The following THBS1 variants were observed in gnomAD, a reference collection of about 807,000 sequenced individuals.
THBS1 encodes thrombospondin 1, also known as thrombospondin-1.
THBS1 carries 29 observed loss-of-function variants against 126.1 expected under a neutral mutation model. That is an observed-to-expected ratio of 0.23 (90% CI 0.17 to 0.31). The LOEUF is 0.31. Among genes scored for constraint, THBS1 ranks in the 10% least tolerant of loss-of-function variants. The probability of loss-of-function intolerance (pLI) is 1.00; values close to 1 mark genes in which losing one functional copy is unlikely to be tolerated. For synonymous variants in THBS1, 496 were observed against 577.8 expected (o/e 0.86, Z 2.03); for missense variants, 1,198 against 1,545.2 (o/e 0.78, Z 3.77).
At chr15:39,590,143 A>T in intron 13 of THBS1, 120 bp downstream of exon 13, 10 of 945,226 alleles carry the variant, frequency 1.1e-5, no homozygotes, top group African/African-American at 1.7e-5. Context: ...AATCTCCCAA[A>T]GGGAGAGGGG....
intron 16 of THBS1, among the ~76,000 whole-genome samples, chr15:39,591,974 T>C (rs937006312): frequency 4.6e-5 from 7 of 152,222 alleles, no homozygotes; most frequent in African/African-American, 1.7e-4. Context: ...TACTAAGAGA[T>C]GGAAAAATAA....
chr15:39,592,893 G>A lies in THBS1; in HGVS notation c.2767+91G>A. Reference sequence around the variant, plus strand: ...AAACCAAGGCTCAAAGCATTTGACAGGATGAAGGGACCAAATGCCAACTTA... The same window carrying A: ...AAACCAAGGCTCAAAGCATTTGACAAGATGAAGGGACCAAATGCCAACTTA... On this transcript the variant is annotated intron_variant, in intron 17 of 21. Transcript: ENST00000260356. This position sits in a 1 kb window ranked among gnomAD's most constrained non-coding sequence, Gnocchi z 4.3. 6.5e-7 allele frequency: 1 copy of A among 1,537,832 alleles called. No homozygotes were observed. The highest frequency in any genetic ancestry group is 8.9e-7 in the Non-Finnish European group (1 of 1,122,754).
intron 5 of THBS1, 30 bp from the exon 6 acceptor site, chr15:39,584,270 G>A (rs201111463): frequency 5.8e-5 from 93 of 1,614,186 alleles, no homozygotes; most frequent in Non-Finnish European, 7.2e-5. Context: ...AAAATGCGGG[G>A]GGACACTAAT....
intron 10 of THBS1, 84 bp from the exon 11 acceptor site, chr15:39,588,875 T>G: frequency 6.2e-7 from 1 of 1,611,056 alleles, no homozygotes; most frequent in Non-Finnish European, 8.5e-7. Flanking sequence ...CTATAATATC[T>G]TACACTGTGT....
chr15:39,587,962 T>C lies in THBS1; in HGVS notation c.1295-80T>C, dbSNP rs1351152552. On this transcript the variant is annotated intron_variant, in intron 8 of 21. Coordinates refer to ENST00000260356, the MANE Select transcript of THBS1 (RefSeq NM_003246.4). ...GCCATTGACCATTTCCTGGAAATAC[T>C]TCTGCGTGCTCCTGATGGGAGCCTC... The C allele has an allele frequency of 8.5e-6, 12 of 1,414,402 alleles. No homozygotes were observed. In the East Asian group the frequency reaches 2.8e-4, roughly 33 times the overall value. The allele number at this position is 1,414,402 out of a possible 1,614,324, so 87.6% of individuals were successfully genotyped here.
intron 7 of THBS1, 104 bp from the exon 8 acceptor site, chr15:39,587,243 A>G: frequency 3.5e-6 from 4 of 1,129,824 alleles, no homozygotes; most frequent in Non-Finnish European, 4.9e-6. Flanking sequence ...AAATAAATAT[A>G]TTGCTTTTCA....
At position 39,597,275 on chromosome 15, in the gene THBS1, G is replaced by GTTTTTTTTTTTTTTTTTTTTTTT. The variant is rs879801079; in HGVS notation, c.*1910_*1911insTTTTTTTTTTTTTTTTTTTTTTT. On this transcript the variant is annotated 3_prime_UTR_variant, in exon 22 of 22. Transcript: ENST00000260356. Reference sequence around the variant, plus strand: ...GAATTGTTGGTTTTTTCTTTTTTTTGTTTTGTTTTTTTTTTTTTTTTTTTT... The same window carrying GTTTTTTTTTTTTTTTTTTTTTTT: ...GAATTGTTGGTTTTTTCTTTTTTTTGTTTTTTTTTTTTTTTTTTTTTTTTTTTGTTTTTTTTTTTTTTTTTTTT... 1.9e-5 allele frequency: 1 copy of GTTTTTTTTTTTTTTTTTTTTTTT among 52,592 alleles called. No homozygotes were observed. Among genetic ancestry groups the GTTTTTTTTTTTTTTTTTTTTTTT allele is most frequent in the African/African-American group, 7.8e-5 (1 of 12,742 alleles). The allele number at this position is 52,592 out of a possible 1,614,324, so 3.3% of individuals were successfully genotyped here.
Position 39,589,141 on chromosome 15 carries a change from G to A in THBS1, c.1773+55G>A. 1 of 1,612,892 alleles carries A rather than the reference G, an allele frequency of 6.2e-7. No homozygotes were observed. Among genetic ancestry groups the A allele is most frequent in the South Asian group, 1.1e-5 (1 of 91,050 alleles). ...GGATCTAGGAAAGCAGCTAACCTGT[G>A]CAGTCGCTTCCTTATGGCAGTGACT... On this transcript the variant is annotated intron_variant, in intron 11 of 21. Coordinates refer to ENST00000260356, the MANE Select transcript of THBS1 (RefSeq NM_003246.4). The surrounding 1 kb of genome is among the most constrained non-coding windows in gnomAD (Gnocchi z 4.7).
chr15:39,590,149 A>G lies in THBS1; in HGVS notation c.2145+126A>G, dbSNP rs1890299749. The G allele has an allele frequency of 3.3e-6, 3 of 921,768 alleles. No individual in the cohort carries two copies. The East Asian group carries it at 8.0e-5, about 25-fold the overall frequency. 57.1% of individuals were successfully genotyped at this position (921,768 alleles called of 1,614,324 possible). On this transcript the variant is annotated intron_variant, in intron 13 of 21. Coordinates refer to ENST00000260356, the MANE Select transcript of THBS1 (RefSeq NM_003246.4). Reference sequence around the variant, plus strand: ...GAAAGATTAAATCTCCCAAAGGGAGAGGGGCACTAATTCCTATTAAAATTA... The same window carrying G: ...GAAAGATTAAATCTCCCAAAGGGAGGGGGGCACTAATTCCTATTAAAATTA...
rs1435733992 is a variant in THBS1, at chr15:39,582,226, T to C, written c.101T>C (p.Phe34Ser). The C allele has an allele frequency of 1.2e-6, 2 of 1,612,176 alleles. No homozygotes were observed. Among genetic ancestry groups the C allele is most frequent in the Non-Finnish European group, 1.7e-6 (2 of 1,179,176 alleles). Residue 34 changes from phenylalanine to serine, a missense_variant, in exon 3 of 22, where the codon TTT becomes TCT. Around this residue, in one of 4 missense-constraint regions of THBS1, gnomAD observed 271 missense variants for 277.0 expected, o/e 0.98. Coordinates refer to ENST00000260356, the MANE Select transcript of THBS1 (RefSeq NM_003246.4). ...GGAGACAACAGCGTGTTTGACATCT[T>C]TGAACTCACCGGGGCCGCCCGCAAG... ...SGGDNSVFDI[F>S]ELTGAARKGS...
chr15:39,584,544 T>G (rs1890175406), intron 6 of THBS1, 122 bp downstream of exon 6: 8 of 1,225,618 alleles, frequency 6.5e-6, no homozygotes, highest in Admixed American at 3.0e-5. Flanking sequence ...TAACAAAGTG[T>G]TTTTTTTTTC....
chr15:39,586,706 T>A (rs1339224412), intron 7 of THBS1: 1 of 152,234 alleles, frequency 6.6e-6, no homozygotes, highest in Non-Finnish European at 1.5e-5. Flanking sequence ...ATGACTCCTA[T>A]AAGCTTCCTC....
In THBS1 at chr15:39,582,473, C is replaced by A. The variant is rs1890130066; in HGVS notation, c.348C>A (p.Val116=). The A allele has an allele frequency of 1.2e-6, 2 of 1,614,190 alleles. No homozygotes were observed. The highest frequency in any genetic ancestry group is 1.7e-6 in the Non-Finnish European group (2 of 1,180,012). ...AGCGGAAAGACCACTCTGGCCAGGT[C>A]TTCAGCGTGGTGTCCAATGGCAAGG... ...ALERKDHSGQ[V]FSVVSNGKAG... is the part of the protein sequence containing the mutation. Residue 116 remains valine (V), a synonymous_variant, in exon 3 of 22, where the codon GTC becomes GTA. Transcript: ENST00000260356.
At position 39,590,709 on chromosome 15, in the gene THBS1, A is replaced by C. The variant is rs74008643; in HGVS notation, c.2253+86A>C. The C allele has an allele frequency of 3.9e-4, 381 of 972,062 alleles. 1 individual carries two copies. The African/African-American group carries it at 4.7e-3, about 12-fold the overall frequency. 60.2% of individuals were successfully genotyped at this position (972,062 alleles called of 1,614,324 possible). Reference sequence around the variant, plus strand: ...TGGGATTCAAGGAAATTACATGGCTATAGCAAAAAATATACCAAATCAATA... The same window carrying C: ...TGGGATTCAAGGAAATTACATGGCTCTAGCAAAAAATATACCAAATCAATA... On this transcript the variant is annotated intron_variant, in intron 14 of 21. Coordinates refer to ENST00000260356, the MANE Select transcript of THBS1 (RefSeq NM_003246.4).
At position 39,594,457 on chromosome 15, in the gene THBS1, C is replaced by T. The variant is rs759711694; in HGVS notation, c.3505+17C>T. On this transcript the variant is annotated intron_variant, in intron 21 of 21. Coordinates refer to ENST00000260356, the MANE Select transcript of THBS1 (RefSeq NM_003246.4). This position sits in a 1 kb window ranked among gnomAD's most constrained non-coding sequence, Gnocchi z 4.4. Reference sequence around the variant, plus strand: ...AATGTAGAGGTAAGAGCAACATCACCATGAATGTACACTGGACATCTCTAT... The same window carrying T: ...AATGTAGAGGTAAGAGCAACATCACTATGAATGTACACTGGACATCTCTAT... 1 of 1,612,558 alleles carries T rather than the reference C, an allele frequency of 6.2e-7. No homozygotes were observed. Among genetic ancestry groups the T allele is most frequent in the Middle Eastern group, 1.7e-4 (1 of 6,048 alleles).
chr15:39,590,495 T>C (rs763356007), intron 13 of THBS1, 21 bp from the exon 14 acceptor site: 8 of 1,589,366 alleles, frequency 5.0e-6, no homozygotes, highest in Non-Finnish European at 6.9e-6. Flanking sequence ...GAAGCAGTGA[T>C]ATATATCTTC....
intron 7 of THBS1, 102 bp downstream of exon 7, chr15:39,585,665 T>C: frequency 9.2e-7 from 1 of 1,090,668 alleles, no homozygotes; most frequent in Non-Finnish European, 1.4e-6. Flanking sequence ...CCCATCTCCA[T>C]CATGCTTCCA....
chr15:39,590,536 C>G lies in THBS1; in HGVS notation c.2166C>G (p.Pro722=), dbSNP rs372297460. The change falls in exon 14 of 22, where the codon CCC becomes CCG. Residue 722 remains proline (P), a synonymous_variant. Transcript: ENST00000260356. ...HCKKDNCPNL[P]NSGQEDYDKD... is the part of the protein sequence containing the mutation. Reference sequence around the variant, plus strand: ...CCTAGGATAATTGCCCCAACCTTCCCAACTCAGGGCAGGAAGACTATGACA... The same window carrying G: ...CCTAGGATAATTGCCCCAACCTTCCGAACTCAGGGCAGGAAGACTATGACA... 4.3e-6 allele frequency: 7 copies of G among 1,613,402 alleles called. No individual in the cohort carries two copies. The African/African-American group carries it at 6.7e-5, about 15-fold the overall frequency.
rs201957578 is a variant in THBS1, at chr15:39,593,171, G to A, written c.2939G>A (p.Arg980His). Reference protein sequence around the residue: ...TSQNDPNWVVRHQGKELVQTV... With the variant: ...TSQNDPNWVVHHQGKELVQTV... ...CAAAATGACCCTAACTGGGTTGTAC[G>A]CCATCAGGGTAAAGAACTCGTCCAG... Residue 980 changes from arginine (R) to histidine (H), a missense_variant, in exon 18 of 22, where the codon CGC (arginine) becomes CAC (histidine). Coordinates refer to ENST00000260356, the MANE Select transcript of THBS1 (RefSeq NM_003246.4). This position sits in a 1 kb window ranked among gnomAD's most constrained non-coding sequence, Gnocchi z 5.9. The A allele has an allele frequency of 5.6e-6, 9 of 1,610,886 alleles. No homozygotes were observed. The highest frequency in any genetic ancestry group is 1.7e-4 in the Middle Eastern group (1 of 6,032).
Sources: gnomAD v4.1 joint callset for allele counts (sites outside exome capture counted in the v4.1 genomes callset) on GRCh38, gnomAD v4.1.1 for gene constraint, gnomAD v4.1.1 regional missense constraint, Gnocchi (gnomAD v3.1) non-coding constraint, MANE v1.5 for transcripts, NCBI Gene and HGNC (gene_info 2026-07-23, HGNC 2026-07-21) for gene names.